Variants in LTBP2 observed in about 807,000 individuals in gnomAD.
The protein encoded by LTBP2 is latent-transforming growth factor beta-binding protein 2.
Under a neutral mutation model 210.6 loss-of-function variants are expected in LTBP2, and 103 were observed. That is an observed-to-expected ratio of 0.49 (90% CI 0.42 to 0.58). LTBP2 has a LOEUF of 0.58. LTBP2 is among the 20% of genes least tolerant of loss of function. The pLI, the probability that LTBP2 is intolerant of heterozygous loss-of-function variation, is 0.00. For synonymous variants in LTBP2, 1,007 were observed against 1,015.0 expected (o/e 0.99, Z 0.15); for missense variants, 2,313 against 2,494.5 (o/e 0.93, Z 1.55).
At chr14:74,587,150 C>A (rs1173300349) in intron 2 of LTBP2, among the ~76,000 whole-genome samples, 1 of 152,170 alleles carries the variant, frequency 6.6e-6, no homozygotes, top group African/African-American at 2.4e-5. Flanking sequence ...CCTCCCCCAC[C>A]AGGACCTCCA....
intron 3 of LTBP2, 99 bp downstream of exon 3, chr14:74,585,755 G>C: frequency 6.4e-7 from 1 of 1,573,292 alleles, no homozygotes; most frequent in Non-Finnish European, 8.7e-7. Flanking sequence ...GGACTCTGCG[G>C]CCTTCTCCAC....
intron 4 of LTBP2, among the ~76,000 whole-genome samples, chr14:74,554,042 GA>G (rs2087697297): frequency 6.6e-6 from 1 of 151,410 alleles, no homozygotes; most frequent in South Asian, 2.1e-4. Flanking sequence ...AGATACAGAA[GA>G]GGGGGGACAA....
intron 25 of LTBP2, among the ~76,000 whole-genome samples, chr14:74,507,523 G>A (rs1193640089): frequency 6.6e-6 from 1 of 152,210 alleles, no homozygotes. Flanking sequence ...AGGAAGCAGT[G>A]AGCTCCTGCC....
chr14:74,511,998 A>G (rs543736734), intron 18 of LTBP2, among the ~76,000 whole-genome samples: 1 of 152,332 alleles, frequency 6.6e-6, no homozygotes, highest in East Asian at 1.9e-4. Flanking sequence ...GAGATCCAGG[A>G]AAGTCAGCCA....
In LTBP2 at chr14:74,500,310, CAG is replaced by C. The variant is rs1364778947; in HGVS notation, c.*572_*573del. ...GGGATCTTCTGCCACTCCTTGGGGT[CAG>C]AGAATGGGCTACAGGATGGAGGTGT... On this transcript the variant is annotated 3_prime_UTR_variant, in exon 36 of 36. Coordinates refer to ENST00000261978, the MANE Select transcript of LTBP2 (RefSeq NM_000428.3). 12 of 243,510 alleles carry C rather than the reference CAG, an allele frequency of 4.9e-5. No individual in the cohort carries two copies. The highest frequency in any genetic ancestry group is 6.5e-5 in the Non-Finnish European group (8 of 123,592). The allele number at this position is 243,510 out of a possible 1,614,324, so 15.1% of individuals were successfully genotyped here.
At chr14:74,539,293 G>C (rs188766956) in intron 8 of LTBP2, among the ~76,000 whole-genome samples, 1 of 152,342 alleles carries the variant, frequency 6.6e-6, no homozygotes, top group Admixed American at 6.5e-5. Flanking sequence ...CGGGCCTCTA[G>C]CTGTGAAGGC....
chr14:74,502,011 A>G (rs1460498020), intron 34 of LTBP2: 2 of 311,620 alleles, frequency 6.4e-6, no homozygotes, highest in African/African-American at 4.3e-5. Context: ...GCCTCACTCA[A>G]CACAAAGCAA....
chr14:74,594,315 A>T (rs61578021), intron 2 of LTBP2, among the ~76,000 whole-genome samples: 21,388 of 152,036 alleles, frequency 0.14, 2,218 homozygotes, highest in African/African-American at 0.29. Context: ...GGAGGCACCA[A>T]CTTCAGGGTG....
intron 2 of LTBP2, among the ~76,000 whole-genome samples, chr14:74,595,844 G>A (rs1317412605): frequency 6.6e-6 from 1 of 152,210 alleles, no homozygotes; most frequent in Admixed American, 6.5e-5. Context: ...AAACAAGAGA[G>A]ACTGTCCTTT....
chr14:74,514,586 G>A (rs1314529203), intron 18 of LTBP2, among the ~76,000 whole-genome samples: 3 of 152,132 alleles, frequency 2.0e-5, no homozygotes, highest in African/African-American at 7.2e-5. Context: ...ACTCAGGCAG[G>A]GGCCAGAAGC....
rs542752056 is a variant in LTBP2, at chr14:74,518,394, G to A, written c.2789-1453C>T. 1.8e-4 allele frequency among the ~76,000 whole-genome samples: 27 copies of A among 152,074 alleles called. No individual in the cohort carries two copies. In the East Asian group the frequency reaches 2.3e-3, roughly 13 times the overall value. Reference sequence around the variant, plus strand: ...GCCTGCTTCTCATCTGTTTCCTGCCGCCCGCACCTCTCCTACCCTCGCCTA... The same window carrying A: ...GCCTGCTTCTCATCTGTTTCCTGCCACCCGCACCTCTCCTACCCTCGCCTA... On this transcript the variant is annotated intron_variant, in intron 17 of 35. Transcript: ENST00000261978.
At position 74,551,162 on chromosome 14, in the gene LTBP2, G is replaced by T. The variant is rs768169943; in HGVS notation, c.1588C>A (p.Pro530Thr). 1.9e-6 allele frequency: 3 copies of T among 1,613,944 alleles called. No homozygotes were observed. Among genetic ancestry groups the T allele is most frequent in the Non-Finnish European group, 2.5e-6 (3 of 1,180,012 alleles). The change falls in exon 7 of 36, where the codon CCT becomes ACT. Residue 530 changes from proline to threonine, a missense_variant. Physicochemically the swap from Pro to Thr is conservative, Grantham distance 38. Coordinates refer to ENST00000261978, the MANE Select transcript of LTBP2 (RefSeq NM_000428.3). ...CGAGGGGGCTCTCCAGACCGAGCAG[G>T]GATGTTGTTGCTGTCCCAGAGGCTG... ...GHSLWDSNNI[P>T]ARSGEPPRPL...
chr14:74,555,459 C>T (rs2087716136), intron 4 of LTBP2, 44 bp downstream of exon 4: 1 of 1,598,250 alleles, frequency 6.3e-7, no homozygotes, highest in South Asian at 1.1e-5. Context: ...GAAGAGAGTT[C>T]TAGAGGCCCT....
At position 74,503,495 on chromosome 14, in the gene LTBP2, C is replaced by T. The variant is rs767058096; in HGVS notation, c.4694G>A (p.Arg1565His). Residue 1565 changes from arginine to histidine, a missense_variant, in exon 32 of 36, where the codon CGC (arginine) becomes CAC (histidine). Around this residue, in one of 3 missense-constraint regions of LTBP2, gnomAD observed 443 missense variants for 501.4 expected, o/e 0.88. Coordinates refer to ENST00000261978, the MANE Select transcript of LTBP2 (RefSeq NM_000428.3). Reference sequence around the variant, plus strand: ...CGTGCTGCTGGTGCTGTTCATGCAGCGCTGCTGGCTGAGGTCCAGGGTGAG... The same window carrying T: ...CGTGCTGCTGGTGCTGTTCATGCAGTGCTGCTGGCTGAGGTCCAGGGTGAG... ...PPLTLDLSQQ[R>H]CMNSTSSTED... is the part of the protein sequence containing the mutation. The T allele has an allele frequency of 1.3e-5, 21 of 1,612,316 alleles. No individual in the cohort carries two copies. The highest frequency in any genetic ancestry group is 4.0e-5 in the African/African-American group (3 of 74,908).
chr14:74,569,794 G>A (rs2087951729), intron 3 of LTBP2, among the ~76,000 whole-genome samples: 1 of 151,356 alleles, frequency 6.6e-6, no homozygotes, highest in Non-Finnish European at 1.5e-5. Context: ...AGACATAGGT[G>A]TCTCTGCCCC....
At chr14:74,611,388 C>A in intron 1 of LTBP2, 63 bp downstream of exon 1, 1 of 1,406,712 alleles carries the variant, frequency 7.1e-7, no homozygotes. Flanking sequence ...CGCCTGCACG[C>A]CCCTCCACAA....
chr14:74,605,418 G>C (rs565211434), intron 1 of LTBP2, among the ~76,000 whole-genome samples: 1 of 152,148 alleles, frequency 6.6e-6, no homozygotes, highest in Admixed American at 6.5e-5. Context: ...GGCGACCACC[G>C]TTAGCAGCTT....
chr14:74,498,599 A>C lies in LTBP2; in HGVS notation c.*2285T>G. On this transcript the variant is annotated 3_prime_UTR_variant, in exon 36 of 36. Transcript: ENST00000261978. ...TGTATTTTAAACAAAGGAAATATGT[A>C]TATATGCATACAATATCTCAAGGTT... The C allele has an allele frequency of 4.3e-6, 1 of 230,594 alleles. No homozygotes were observed. Among genetic ancestry groups the C allele is most frequent in the Non-Finnish European group, 8.6e-6 (1 of 116,420 alleles). The allele number at this position is 230,594 out of a possible 1,614,324, so 14.3% of individuals were successfully genotyped here. A position where few individuals can be genotyped will look rare whatever the true frequency, so the allele number is the denominator to read the frequency against.
At position 74,528,941 on chromosome 14, in the gene LTBP2, T is replaced by A. The variant is rs369504405; in HGVS notation, c.2152+17A>T. The A allele has an allele frequency of 1.9e-6, 3 of 1,610,416 alleles. No individual in the cohort carries two copies. The highest frequency in any genetic ancestry group is 2.5e-6 in the Non-Finnish European group (3 of 1,178,968). On this transcript the variant is annotated intron_variant, in intron 11 of 35. Transcript: ENST00000261978. ...AGCCCCTGGGCAGTGAAAGCTGGGA[T>A]GGGAACAGGAGGTTACCTGTGCCAG...
Sources: gnomAD v4.1 joint callset for allele counts (sites outside exome capture counted in the v4.1 genomes callset) on GRCh38, gnomAD v4.1.1 for gene constraint, gnomAD v4.1.1 regional missense constraint, MANE v1.5 for transcripts, NCBI Gene and HGNC (gene_info 2026-07-23, HGNC 2026-07-21) for gene names.